Variants in HACD2 observed in about 807,000 individuals in gnomAD.
HACD2 encodes the protein 3-hydroxyacyl-CoA dehydratase 2.
A neutral mutation model predicts 31.0 loss-of-function variants in HACD2; 15 were observed. The ratio of observed to expected loss-of-function variants is 0.48; its 90% CI spans 0.32 to 0.75. HACD2 has a LOEUF of 0.75. Among genes scored for constraint, HACD2 ranks in the 30% least tolerant of loss-of-function variants. HACD2 has a pLI of 0.03. For synonymous variants in HACD2, 115 were observed against 122.2 expected, an observed-to-expected ratio of 0.94 and a Z score of 0.39; for missense variants, 283 against 313.0, an observed-to-expected ratio of 0.90 and a Z score of 0.72.
chr3:123,514,591 A>G (rs2056109462), intron 4 of HACD2, among the ~76,000 whole-genome samples: 1 of 152,206 alleles, frequency 6.6e-6, no homozygotes, highest in African/African-American at 2.4e-5. Context: ...ATAAGAAAAC[A>G]TATCAACAAG....
Position 123,491,604 on chromosome 3 carries a change from A to G in HACD2, c.*3284T>C, listed in dbSNP as rs988098990. 14 of 152,782 alleles carry G rather than the reference A, an allele frequency of 9.2e-5. No individual in the cohort carries two copies. The highest frequency in any genetic ancestry group is 2.6e-4 in the Admixed American group (4 of 15,310). 9.5% of individuals were successfully genotyped at this position (152,782 alleles called of 1,614,324 possible). ...CAGTTTATTTTGAAATGCAACACAG[A>G]TCAGTATTTTATGAATACAACTTAT... On this transcript the variant is annotated 3_prime_UTR_variant, in exon 7 of 7. Coordinates refer to ENST00000383657, the MANE Select transcript of HACD2 (RefSeq NM_198402.5).
intron 2 of HACD2, among the ~76,000 whole-genome samples, chr3:123,568,473 T>C (rs1297852750): frequency 2.0e-5 from 3 of 152,204 alleles, no homozygotes; most frequent in African/African-American, 7.2e-5. Context: ...TCAACAGTCC[T>C]TCCTTCCCCT....
At chr3:123,558,943 C>T (rs934015787) in intron 3 of HACD2, among the ~76,000 whole-genome samples, 7 of 152,120 alleles carry the variant, frequency 4.6e-5, no homozygotes, top group Non-Finnish European at 7.3e-5. Flanking sequence ...AAATATGGCA[C>T]CCATTTTCAT....
intron 6 of HACD2, among the ~76,000 whole-genome samples, chr3:123,498,074 A>T (rs1397123610): frequency 1.3e-5 from 2 of 152,200 alleles, no homozygotes; most frequent in African/African-American, 4.8e-5. Context: ...CAACAGTAAC[A>T]ACCTGAACCA....
chr3:123,507,626 G>C (rs1227733735), intron 4 of HACD2, among the ~76,000 whole-genome samples: 1 of 151,994 alleles, frequency 6.6e-6, no homozygotes, highest in Non-Finnish European at 1.5e-5. Flanking sequence ...ATTATAAAAG[G>C]GCATAAGGTC....
chr3:123,564,476 C>G (rs970579470), intron 3 of HACD2, among the ~76,000 whole-genome samples: 3 of 152,174 alleles, frequency 2.0e-5, no homozygotes, highest in Non-Finnish European at 4.4e-5. Flanking sequence ...GCTGAAGGAG[C>G]AGGATCTCCA....
intron 3 of HACD2, among the ~76,000 whole-genome samples, chr3:123,549,181 C>T (rs192242048): frequency 1.4e-4 from 22 of 151,772 alleles, no homozygotes; most frequent in Non-Finnish European, 2.5e-4. Flanking sequence ...GTCACATATT[C>T]GCTTAAGTCA....
At chr3:123,532,647 G>A (rs985315798) in intron 3 of HACD2, among the ~76,000 whole-genome samples, 6 of 151,926 alleles carry the variant, frequency 3.9e-5, no homozygotes, top group Admixed American at 1.3e-4. Flanking sequence ...CCTGGCCCCT[G>A]GCCAACATGG....
At chr3:123,576,810 A>G (rs954454792) in intron 2 of HACD2, among the ~76,000 whole-genome samples, 1 of 152,220 alleles carries the variant, frequency 6.6e-6, no homozygotes, top group Non-Finnish European at 1.5e-5. Context: ...GCAGGGAGAT[A>G]AGAAGGGATC....
At chr3:123,498,983 C>T (rs2055870227) in intron 6 of HACD2, among the ~76,000 whole-genome samples, 1 of 152,142 alleles carries the variant, frequency 6.6e-6, no homozygotes, top group African/African-American at 2.4e-5. Flanking sequence ...TGGAAGGAAG[C>T]CCTGCTTCCT....
intron 3 of HACD2, among the ~76,000 whole-genome samples, chr3:123,537,380 A>T (rs1419235353): frequency 1.3e-5 from 2 of 152,164 alleles, no homozygotes; most frequent in Non-Finnish European, 2.9e-5. Context: ...CAGCCTGGAT[A>T]ACAGTGAGAC....
intron 3 of HACD2, among the ~76,000 whole-genome samples, chr3:123,561,249 C>T (rs1271718415): frequency 2.6e-5 from 4 of 152,088 alleles, no homozygotes; most frequent in Non-Finnish European, 5.9e-5. Flanking sequence ...GAGCCATACG[C>T]TACCGATGAA....
chr3:123,539,848 AG>A (rs569325350), intron 3 of HACD2, among the ~76,000 whole-genome samples: 230 of 135,884 alleles, frequency 1.7e-3, no homozygotes, highest in Middle Eastern at 3.9e-3. Context: ...ACTCTTCAGG[AG>A]GATCACTTGA....
intron 5 of HACD2, among the ~76,000 whole-genome samples, chr3:123,501,882 C>G (rs935074204): frequency 6.6e-6 from 1 of 152,110 alleles, no homozygotes; most frequent in Admixed American, 6.5e-5. Flanking sequence ...CTCTAGGAAC[C>G]ACTGCTTTCC....
intron 3 of HACD2, among the ~76,000 whole-genome samples, chr3:123,534,007 G>C (rs1051893940): frequency 8.9e-5 from 13 of 145,596 alleles, no homozygotes; most frequent in African/African-American, 3.0e-4. Context: ...AAAAACACTG[G>C]CAGATAAAAG....
At chr3:123,544,034 C>A (rs1341018311) in intron 3 of HACD2, among the ~76,000 whole-genome samples, 1 of 152,130 alleles carries the variant, frequency 6.6e-6, no homozygotes, top group Non-Finnish European at 1.5e-5. Context: ...ATAAAAGGGA[C>A]TCTTGAGTGC....
chr3:123,575,527 T>C (rs1242079315), intron 2 of HACD2, among the ~76,000 whole-genome samples: 1 of 152,242 alleles, frequency 6.6e-6, no homozygotes, highest in Non-Finnish European at 1.5e-5. Context: ...CAGAAAGTCC[T>C]ATTGGACAGT....
At chr3:123,515,507 G>A (rs2056123205) in intron 4 of HACD2, among the ~76,000 whole-genome samples, 1 of 152,174 alleles carries the variant, frequency 6.6e-6, no homozygotes, top group South Asian at 2.1e-4. Flanking sequence ...TTGGGTGGGA[G>A]GGCAGCTCCT....
At chr3:123,532,414 G>A (rs1297998360) in intron 3 of HACD2, among the ~76,000 whole-genome samples, 2 of 152,076 alleles carry the variant, frequency 1.3e-5, no homozygotes, top group Non-Finnish European at 2.9e-5. Context: ...CAGTCAAAAG[G>A]CCAAGAGCTC....
Sources: gnomAD v4.1 joint callset for allele counts (sites outside exome capture counted in the v4.1 genomes callset) on GRCh38, gnomAD v4.1.1 for gene constraint, MANE v1.5 for transcripts, NCBI Gene and HGNC (gene_info 2026-07-23, HGNC 2026-07-21) for gene names.